MED27: variants seen among roughly 807,000 people sequenced by gnomAD.
MED27 encodes the protein mediator complex subunit 27, also known as mediator of RNA polymerase II transcription subunit 27.
Under a neutral mutation model 38.2 loss-of-function variants are expected in MED27, and 30 were observed. That is an observed-to-expected ratio of 0.79 (90% confidence interval 0.59 to 1.07). The LOEUF (loss-of-function observed/expected upper bound fraction) is 1.07. MED27 is among the 50% of genes least tolerant of loss of function. MED27 has a pLI of 0.00. For missense variants in MED27, 289 were observed against 397.5 expected, an observed-to-expected ratio of 0.73 and a Z score of 2.32; for synonymous variants, 122 against 153.5, an observed-to-expected ratio of 0.79 and a Z score of 1.52.
In MED27 at chr9:131,874,005, G is replaced by A. The variant is rs7047714; in HGVS notation, c.723+10053C>T. Among the ~76,000 whole-genome samples the A allele has an allele frequency of 2.8e-3, 425 of 152,242 alleles. 3 individuals are homozygous for A. Among genetic ancestry groups the A allele is most frequent in the African/African-American group, 9.8e-3 (408 of 41,528 alleles). ...CAGCCTTTAGGGGTGATGTACCCCC[G>A]CTGGCCACTCCACAGCCACCTACAG... is the stretch of plus-strand genomic sequence containing the variant. On this transcript the variant is annotated intron_variant, in intron 6 of 7. Coordinates refer to ENST00000292035, the MANE Select transcript of MED27 (RefSeq NM_004269.4).
chr9:132,010,278 A>G (rs1194271929), intron 3 of MED27, among the ~76,000 whole-genome samples: 1 of 152,254 alleles, frequency 6.6e-6, no homozygotes, highest in African/African-American at 2.4e-5. Context: ...GACACATGAA[A>G]AAATGCTCAT....
intron 3 of MED27, among the ~76,000 whole-genome samples, chr9:131,998,593 G>A (rs755119780): frequency 1.6e-4 from 24 of 152,168 alleles, no homozygotes; most frequent in Non-Finnish European, 3.1e-4. Flanking sequence ...TCCATCTACC[G>A]TCTAAATGCC....
At chr9:131,936,938 C>T (rs866706606) in intron 4 of MED27, among the ~76,000 whole-genome samples, 1 of 152,226 alleles carries the variant, frequency 6.6e-6, no homozygotes, top group South Asian at 2.1e-4. Flanking sequence ...CACCCTGCTT[C>T]AACGGCCTCT....
chr9:132,050,266 C>A (rs192999596), intron 2 of MED27, among the ~76,000 whole-genome samples: 131 of 152,284 alleles, frequency 8.6e-4, no homozygotes, highest in African/African-American at 2.9e-3. Flanking sequence ...AAAGGGAAAT[C>A]TGAAAAGTAC....
Position 131,860,765 on chromosome 9 carries a change from A to C in MED27, c.802-93T>G. 6.8e-7 allele frequency: 1 copy of C among 1,467,768 alleles called. No individual in the cohort carries two copies. The highest frequency in any genetic ancestry group is 9.3e-7 in the Non-Finnish European group (1 of 1,080,218). 90.9% of individuals were successfully genotyped at this position (1,467,768 alleles called of 1,614,324 possible). A position where few individuals can be genotyped will look rare whatever the true frequency, so the allele number is the denominator to read the frequency against. ...TCAAGCCTAATGGCCCAGACAACTT[A>C]AGTTGGCTTTGGCCCCAGAAGATGC... On this transcript the variant is annotated intron_variant, in intron 7 of 7. Transcript: ENST00000292035. The surrounding 1 kb of genome is among the most constrained non-coding windows in gnomAD (Gnocchi z 5.8).
intron 3 of MED27, among the ~76,000 whole-genome samples, chr9:131,973,515 T>C (rs193204990): frequency 6.8e-6 from 1 of 146,286 alleles, no homozygotes; most frequent in Non-Finnish European, 1.5e-5. Flanking sequence ...TGGAGTGCAG[T>C]AGCGCGATCT....
chr9:132,029,004 G>A (rs564780154), intron 2 of MED27, among the ~76,000 whole-genome samples: 5 of 152,336 alleles, frequency 3.3e-5, no homozygotes, highest in Non-Finnish European at 5.9e-5. Context: ...GAGATGCCAC[G>A]GAGAGAAGCC....
At chr9:132,068,606 G>C (rs1445059012) in intron 2 of MED27, among the ~76,000 whole-genome samples, 1 of 152,148 alleles carries the variant, frequency 6.6e-6, no homozygotes, top group Non-Finnish European at 1.5e-5. Flanking sequence ...CAATAGATCT[G>C]TCAGAGGGTG....
Position 131,992,379 on chromosome 9 carries a change from C to T in MED27, c.479+21958G>A, listed in dbSNP as rs576898967. 2.0e-5 allele frequency among the ~76,000 whole-genome samples: 3 copies of T among 152,222 alleles called. No individual in the cohort carries two copies. The East Asian group carries it at 5.8e-4, about 29-fold the overall frequency. ...AAAATTCCCATCTGTCGATACTGCA[C>T]CTCTTTTGGTACCTTCATTCATTCA... On this transcript the variant is annotated intron_variant, in intron 3 of 7. Coordinates refer to ENST00000292035, the MANE Select transcript of MED27 (RefSeq NM_004269.4).
intron 2 of MED27, among the ~76,000 whole-genome samples, chr9:132,066,148 T>C (rs1564346952): frequency 6.6e-6 from 1 of 152,198 alleles, no homozygotes; most frequent in Non-Finnish European, 1.5e-5. Context: ...GCCAGACCCA[T>C]AGAGCAGGCA....
At chr9:131,915,665 A>ACCACTGTCCTCCCACTCCCATGC (rs1830276020) in intron 4 of MED27, among the ~76,000 whole-genome samples, 2 of 152,222 alleles carry the variant, frequency 1.3e-5, no homozygotes, top group African/African-American at 4.8e-5. Flanking sequence ...TCTAGTAGAA[A>ACCACTGTCCTCCCACTCCCATGC]CCACTGTCCT....
rs550904512 is a variant in MED27 at position 132,010,838 on chromosome 9, C to T, written c.479+3499G>A. 1.1e-3 allele frequency among the ~76,000 whole-genome samples: 174 copies of T among 152,106 alleles called. 1 individual carries two copies. Among genetic ancestry groups the T allele is most frequent in the African/African-American group, 4.0e-3 (167 of 41,484 alleles). On this transcript the variant is annotated intron_variant, in intron 3 of 7. Transcript: ENST00000292035. ...GTAAGTGGGAATTGAACAATGAGAA[C>T]ACTTGGACACAGGAGGGGGAACATC...
intron 5 of MED27, among the ~76,000 whole-genome samples, chr9:131,884,401 C>T (rs1839101515): frequency 6.6e-6 from 1 of 152,208 alleles, no homozygotes; most frequent in Non-Finnish European, 1.5e-5. Context: ...CTCACCACGG[C>T]TCTTGCATAT....
chr9:131,950,154 G>GA (rs1448066375), intron 3 of MED27, among the ~76,000 whole-genome samples: 1 of 151,344 alleles, frequency 6.6e-6, no homozygotes, highest in Non-Finnish European at 1.5e-5. Context: ...AGAGAAAAAA[G>GA]AAAAAAAACC....
rs920208291 is a variant in MED27 at position 132,051,731 on chromosome 9, G to A, written c.348+25711C>T. Among the ~76,000 whole-genome samples the A allele has an allele frequency of 1.3e-5, 2 of 152,200 alleles. No individual in the cohort carries two copies. Among genetic ancestry groups the A allele is most frequent in the African/African-American group, 4.8e-5 (2 of 41,448 alleles). The stretch of plus-strand genomic sequence containing the variant: ...CATTTCAAGAGCTCAACAGTTACAT[G>A]TGGCTAGTGGCTACCACGTGGGATA... On this transcript the variant is annotated intron_variant, in intron 2 of 7. Transcript: ENST00000292035. This position sits in a 1 kb window ranked among gnomAD's most constrained non-coding sequence, Gnocchi z 4.2.
At chr9:131,986,117 G>A (rs1831843869) in intron 3 of MED27, among the ~76,000 whole-genome samples, 1 of 152,138 alleles carries the variant, frequency 6.6e-6, no homozygotes, top group Admixed American at 6.5e-5. Context: ...AAATGTAAAA[G>A]TTTATAAAGT....
chr9:131,862,451 C>T lies in MED27; in HGVS notation c.801+612G>A, dbSNP rs149562198. Among the ~76,000 whole-genome samples, 182 of 152,274 alleles carry T rather than the reference C, an allele frequency of 1.2e-3. No homozygotes were observed. Among genetic ancestry groups the T allele is most frequent in the Middle Eastern group, 3.4e-3 (1 of 294 alleles). On this transcript the variant is annotated intron_variant, in intron 7 of 7. Transcript: ENST00000292035. This position sits in a 1 kb window ranked among gnomAD's most constrained non-coding sequence, Gnocchi z 4.6. ...TAGCCCTGCTTAGGCCAACTGGTGG[C>T]GGCGTGATAAATGCTGATAAACTGG...
At chr9:131,869,309 A>G (rs1693593837) in intron 6 of MED27, 1 of 985,062 alleles carries the variant, frequency 1.0e-6, no homozygotes, top group African/African-American at 1.8e-5. Context: ...CTCCACCTTC[A>G]ATATTTTTTT....
At chr9:132,014,497 GA>G in intron 2 of MED27, 30 bp from the exon 3 acceptor site, 2 of 1,605,376 alleles carry the variant, frequency 1.2e-6, no homozygotes, top group Non-Finnish European at 1.7e-6. Flanking sequence ...AAAAGGGGAA[GA>G]AAAATAGCAT....
Sources: allele counts gnomAD v4.1 joint callset (sites outside exome capture counted in the v4.1 genomes callset), GRCh38; gene constraint gnomAD v4.1.1; non-coding constraint Gnocchi (gnomAD v3.1); transcripts MANE v1.5; gene names NCBI Gene and HGNC (gene_info 2026-07-23, HGNC 2026-07-21).